The following PTK2B variants were observed in gnomAD, a reference collection of about 807,000 sequenced individuals.
The protein encoded by PTK2B is protein tyrosine kinase 2 beta.
Under a neutral mutation model 142.9 loss-of-function variants are expected in PTK2B, and 71 were observed. The ratio of observed to expected loss-of-function variants is 0.50; its 90% CI spans 0.41 to 0.61. The LOEUF is 0.61. Ranked by LOEUF, PTK2B falls within the 20% of genes least tolerant of loss-of-function variation. The probability of loss-of-function intolerance (pLI) is 0.00; values close to 1 mark genes in which losing one functional copy is unlikely to be tolerated. For missense variants in PTK2B, 1,105 were observed against 1,320.4 expected, an observed-to-expected ratio of 0.84 and a Z score of 2.53; for synonymous variants, 519 against 503.4, an observed-to-expected ratio of 1.03 and a Z score of -0.42.
At position 27,436,474 on chromosome 8, in the gene PTK2B, C is replaced by G. The variant is rs1586321900; in HGVS notation, c.1341+126C>G. On this transcript the variant is annotated intron_variant, in intron 15 of 30. Transcript: ENST00000346049. ...CTTGGGGCCCCTTGTCCCTAAGGGC[C>G]TCTTGTCCACTGGGCATGGTGGTAT... 4.1e-6 allele frequency: 3 copies of G among 724,318 alleles called. No homozygotes were observed. In the East Asian group the frequency reaches 7.4e-5, roughly 18 times the overall value. 44.9% of individuals were successfully genotyped at this position (724,318 alleles called of 1,614,324 possible). A position where few individuals can be genotyped will look rare whatever the true frequency, so the allele number is the denominator to read the frequency against.
intron 5 of PTK2B, among the ~76,000 whole-genome samples, chr8:27,429,760 C>T (rs1053173938): frequency 2.6e-5 from 4 of 152,062 alleles, no homozygotes; most frequent in African/African-American, 9.7e-5. Context: ...GTCAGTGTTC[C>T]TAGGCTGATC....
intron 1 of PTK2B, among the ~76,000 whole-genome samples, chr8:27,369,127 T>C (rs1362522349): frequency 1.3e-5 from 2 of 152,174 alleles, no homozygotes; most frequent in Non-Finnish European, 2.9e-5. Context: ...GAATAACATC[T>C]CTTCCTTATG....
intron 7 of PTK2B, 60 bp from the exon 8 acceptor site, chr8:27,430,816 G>A: frequency 1.9e-6 from 3 of 1,584,936 alleles, no homozygotes; most frequent in South Asian, 2.3e-5. Flanking sequence ...GAGACCCTAA[G>A]GGAAGGAGTG....
intron 1 of PTK2B, among the ~76,000 whole-genome samples, chr8:27,332,447 C>T (rs577330971): frequency 6.6e-6 from 1 of 152,312 alleles, no homozygotes; most frequent in East Asian, 1.9e-4. Flanking sequence ...CATACTCTGC[C>T]TGTCTGACAT....
intron 1 of PTK2B, among the ~76,000 whole-genome samples, chr8:27,371,544 T>TA (rs2130930809): frequency 7.9e-6 from 1 of 126,726 alleles, no homozygotes; most frequent in South Asian, 2.8e-4. Context: ...ATTTTTATTA[T>TA]TTATATATAT....
intron 2 of PTK2B, among the ~76,000 whole-genome samples, chr8:27,411,605 T>C (rs1361951506): frequency 6.6e-6 from 1 of 152,218 alleles, no homozygotes. Flanking sequence ...GTCATCCTAT[T>C]GGAAGTACAT....
intron 5 of PTK2B, among the ~76,000 whole-genome samples, chr8:27,423,720 T>C (rs1337556770): frequency 6.6e-6 from 1 of 152,166 alleles, no homozygotes; most frequent in African/African-American, 2.4e-5. Context: ...ATTGTGATTC[T>C]CAGTCAGAGA....
intron 2 of PTK2B, among the ~76,000 whole-genome samples, chr8:27,408,584 A>C (rs972203231): frequency 2.6e-5 from 4 of 152,248 alleles, no homozygotes; most frequent in African/African-American, 9.6e-5. Context: ...TTTCTCCTTT[A>C]ATCAATCTGC....
chr8:27,361,432 C>G (rs1297316381), intron 1 of PTK2B, among the ~76,000 whole-genome samples: 1 of 152,040 alleles, frequency 6.6e-6, no homozygotes, highest in African/African-American at 2.4e-5. Flanking sequence ...CTTTGTTGCT[C>G]CAGCTGTTCT....
intron 3 of PTK2B, among the ~76,000 whole-genome samples, chr8:27,316,290 CTTG>C (rs986878965): frequency 1.4e-5 from 2 of 147,546 alleles, no homozygotes; most frequent in Non-Finnish European, 1.5e-5. Flanking sequence ...AGGAAATTGC[CTTG>C]TTTTTTTTTT....
At chr8:27,352,288 A>G (rs1805143383) in intron 1 of PTK2B, among the ~76,000 whole-genome samples, 1 of 152,076 alleles carries the variant, frequency 6.6e-6, no homozygotes, top group Admixed American at 6.5e-5. Context: ...TTTTTCACCC[A>G]CCTACTCACC....
chr8:27,435,847 T>C (rs377593526), intron 14 of PTK2B, 54 bp downstream of exon 14: 1 of 1,562,136 alleles, frequency 6.4e-7, no homozygotes, highest in African/African-American at 1.4e-5. Flanking sequence ...TGAAATGACA[T>C]GGCAAGGACT....
intron 1 of PTK2B, among the ~76,000 whole-genome samples, chr8:27,355,322 AG>A (rs777275808): frequency 5.2e-4 from 79 of 152,274 alleles, no homozygotes; most frequent in Admixed American, 1.3e-3. Context: ...AGAAAGAGGG[AG>A]GGAAGAGAGA....
intron 15 of PTK2B, among the ~76,000 whole-genome samples, 158 bp downstream of exon 15, chr8:27,436,506 A>G (rs1379961386): frequency 1.3e-5 from 2 of 152,076 alleles, no homozygotes; most frequent in African/African-American, 4.8e-5. Flanking sequence ...GTATTTATTA[A>G]ATACTCAAAG....
intron 1 of PTK2B, among the ~76,000 whole-genome samples, chr8:27,371,296 A>G (rs890248706): frequency 2.0e-5 from 3 of 152,140 alleles, no homozygotes; most frequent in African/African-American, 7.2e-5. Context: ...CACAGAGGGC[A>G]TTCTTGCCGG....
intron 1 of PTK2B, among the ~76,000 whole-genome samples, chr8:27,366,026 C>G (rs1334263691): frequency 6.6e-6 from 1 of 152,242 alleles, no homozygotes; most frequent in African/African-American, 2.4e-5. Flanking sequence ...GCAGCCAGCC[C>G]TGGCACACCT....
At chr8:27,427,277 C>T (rs1464644348) in intron 5 of PTK2B, among the ~76,000 whole-genome samples, 1 of 152,186 alleles carries the variant, frequency 6.6e-6, no homozygotes, top group Non-Finnish European at 1.5e-5. Flanking sequence ...ATCAAGCCAG[C>T]CTAAGGGTCT....
intron 24 of PTK2B, among the ~76,000 whole-genome samples, chr8:27,448,749 T>C (rs1464094532): frequency 6.6e-6 from 1 of 152,262 alleles, no homozygotes; most frequent in Non-Finnish European, 1.5e-5. Flanking sequence ...TTAGTTCCTG[T>C]TTGTCACTAT....
At chr8:27,329,930 G>A (rs978868927) in intron 1 of PTK2B, among the ~76,000 whole-genome samples, 4 of 152,064 alleles carry the variant, frequency 2.6e-5, no homozygotes, top group African/African-American at 4.8e-5. Flanking sequence ...ACATTAGAGA[G>A]ATATTCAAAA....
Sources: gnomAD v4.1 joint callset for allele counts (sites outside exome capture counted in the v4.1 genomes callset) on GRCh38, gnomAD v4.1.1 for gene constraint, MANE v1.5 for transcripts, NCBI Gene and HGNC (gene_info 2026-07-23, HGNC 2026-07-21) for gene names.